Variants in MRM2 observed in about 807,000 individuals in gnomAD.
The protein encoded by MRM2 is mitochondrial rRNA methyltransferase 2.
MRM2 carries 15 observed loss-of-function variants against 10.9 expected under a neutral mutation model. That is an observed-to-expected ratio of 1.37 (90% CI 0.92 to 2.11). The LOEUF (loss-of-function observed/expected upper bound fraction) is 2.11, where lower values mean the gene tolerates loss of function less well. Ranked by LOEUF, MRM2 falls within the 30% of genes most tolerant of loss-of-function variation. The pLI is 0.00. For missense variants in MRM2, 328 were observed against 321.3 expected, an observed-to-expected ratio of 1.02 and a Z score of -0.16; for synonymous variants, 139 against 128.7, an observed-to-expected ratio of 1.08 and a Z score of -0.54.
rs185019081 is a variant in MRM2, at chr7:2,235,380, C to G, written c.483G>C (p.Gly161=). 1 of 1,614,116 alleles carries G rather than the reference C, an allele frequency of 6.2e-7. No homozygotes were observed. The highest frequency in any genetic ancestry group is 1.7e-5 in the Admixed American group (1 of 60,018). Residue 161 remains glycine, a synonymous_variant, in exon 3 of 3, where the codon GGG becomes GGC. Coordinates refer to ENST00000242257, the MANE Select transcript of MRM2 (RefSeq NM_013393.3). Reference sequence around the variant, plus strand: ...GCCTGTCATGATCGAGGTCCCGGAACCCTGTGGCATTGGGCGCCATGTCGC... The same window carrying G: ...GCCTGTCATGATCGAGGTCCCGGAAGCCTGTGGCATTGGGCGCCATGTCGC... ...ILSDMAPNAT[G]FRDLDHDRLI...
chr7:2,240,196 T>C, intron 1 of MRM2: 1 of 438,256 alleles, frequency 2.3e-6, no homozygotes, highest in Non-Finnish European at 4.6e-6. Flanking sequence ...CACTCCAGCC[T>C]GGGCGACAGA....
intron 2 of MRM2, among the ~76,000 whole-genome samples, chr7:2,236,585 C>G (rs1235956657): frequency 1.3e-5 from 2 of 152,128 alleles, no homozygotes; most frequent in Non-Finnish European, 2.9e-5. Flanking sequence ...TAAAATGAGG[C>G]GTGAGGCGTC....
intron 2 of MRM2, among the ~76,000 whole-genome samples, chr7:2,236,668 C>A (rs1794424199): frequency 6.6e-6 from 1 of 152,182 alleles, no homozygotes; most frequent in African/African-American, 2.4e-5. Flanking sequence ...ACCTGGACTT[C>A]CAATGTTTAC....
intron 1 of MRM2, chr7:2,240,195 C>A (rs189928628): frequency 1.6e-4 from 70 of 437,032 alleles, no homozygotes; most frequent in Admixed American, 8.7e-4. Context: ...GCACTCCAGC[C>A]TGGGCGACAG....
Position 2,235,357 on chromosome 7 carries a change from C to G in MRM2, c.506G>C (p.Arg169Thr). ...AAGGGTCAGGCACAGGCTGATGAGC[C>G]TGTCATGATCGAGGTCCCGGAACCC... is the stretch of plus-strand genomic sequence containing the variant. ...ATGFRDLDHD[R>T]LISLCLTLLS... The change falls in exon 3 of 3, where the codon AGG becomes ACG. Residue 169 changes from arginine (R) to threonine (T), a missense_variant. Physicochemically the swap from Arg to Thr is moderately conservative, Grantham distance 71. Transcript: ENST00000242257. 6.2e-7 allele frequency: 1 copy of G among 1,614,126 alleles called. No individual in the cohort carries two copies. Among genetic ancestry groups the G allele is most frequent in the South Asian group, 1.1e-5 (1 of 91,084 alleles).
rs1584622847 is a variant in MRM2 at position 2,235,298 on chromosome 7, C to T, written c.565G>A (p.Gly189Arg). 6.2e-7 allele frequency: 1 copy of T among 1,614,142 alleles called. No homozygotes were observed. The highest frequency in any genetic ancestry group is 8.5e-7 in the Non-Finnish European group (1 of 1,180,038). The change falls in exon 3 of 3, where the codon GGG (glycine) becomes AGG (arginine). Residue 189 changes from glycine to arginine, a missense_variant. Coordinates refer to ENST00000242257, the MANE Select transcript of MRM2 (RefSeq NM_013393.3). ...SVTPDILQPG[G>R]TFLCKTWAGS... ...GCCCAGGTTTTACAAAGGAATGTCC[C>T]CCCAGGTTGCAGGATGTCTGGGGTC...
chr7:2,235,587 GTTAT>G (rs781390377), intron 2 of MRM2, 23 bp from the exon 3 acceptor site: 2 of 1,511,940 alleles, frequency 1.3e-6, no homozygotes, highest in African/African-American at 2.8e-5. Flanking sequence ...TGGTGAATGT[GTTAT>G]TTATTTACAC....
chr7:2,239,489 A>G lies in MRM2; in HGVS notation c.227T>C (p.Val76Ala). 1.9e-6 allele frequency: 3 copies of G among 1,613,574 alleles called. No homozygotes were observed. Among genetic ancestry groups the G allele is most frequent in the Non-Finnish European group, 2.5e-6 (3 of 1,179,978 alleles). ...CCCAGGAGCTGCCCCACAGTCTAAC[A>G]CCCGAAGGCCGGGCCGCAGAATCTG... is the stretch of plus-strand genomic sequence containing the variant. ...RHQILRPGLR[V>A]LDCGAAPGAW... Residue 76 changes from valine (V) to alanine (A), a missense_variant, in exon 2 of 3, where the codon GTG (valine) becomes GCG (alanine). By Grantham distance (64) the Val-to-Ala change is moderately conservative. Coordinates refer to ENST00000242257, the MANE Select transcript of MRM2 (RefSeq NM_013393.3).
At chr7:2,237,644 A>G (rs1055085426) in intron 2 of MRM2, among the ~76,000 whole-genome samples, 1 of 152,186 alleles carries the variant, frequency 6.6e-6, no homozygotes, top group South Asian at 2.1e-4. Context: ...GAAAAACAAT[A>G]AAAAGGCTTT....
Position 2,235,081 on chromosome 7 carries a change from A to G in MRM2, c.*41T>C, listed in dbSNP as rs1794393297. 1 of 1,482,824 alleles carries G rather than the reference A, an allele frequency of 6.7e-7. No homozygotes were observed. Among genetic ancestry groups the G allele is most frequent in the Non-Finnish European group, 9.3e-7 (1 of 1,070,216 alleles). The allele number at this position is 1,482,824 out of a possible 1,614,324, so 91.9% of individuals were successfully genotyped here. On this transcript the variant is annotated 3_prime_UTR_variant, in exon 3 of 3. Transcript: ENST00000242257. Reference sequence around the variant, plus strand: ...GAGCTCAGGCTACGTTTCTAGCTTAAAAGGAGCTAATGACCATTATGAAAA... The same window carrying G: ...GAGCTCAGGCTACGTTTCTAGCTTAGAAGGAGCTAATGACCATTATGAAAA...
rs372868427 is a variant in MRM2 at position 2,235,163 on chromosome 7, C to G, written c.700G>C (p.Ala234Pro). 1 of 1,614,088 alleles carries G rather than the reference C, an allele frequency of 6.2e-7. No individual in the cohort carries two copies. Among genetic ancestry groups the G allele is most frequent in the Non-Finnish European group, 8.5e-7 (1 of 1,179,992 alleles). Residue 234 changes from alanine (A) to proline (P), a missense_variant, in exon 3 of 3, where the codon GCC (alanine) becomes CCC (proline). Physicochemically the swap from Ala to Pro is conservative, Grantham distance 27. Coordinates refer to ENST00000242257, the MANE Select transcript of MRM2 (RefSeq NM_013393.3). Reference sequence around the variant, plus strand: ...CCCTTCCTTCCGTGGTACTGTGTGGCCAAGAAGTACACTTCTGATGACTCT... The same window carrying G: ...CCCTTCCTTCCGTGGTACTGTGTGGGCAAGAAGTACACTTCTGATGACTCT... ...RKESSEVYFL[A>P]TQYHGRKGTV... is the part of the protein sequence containing the mutation.
intron 2 of MRM2, among the ~76,000 whole-genome samples, chr7:2,236,940 T>C (rs904335419): frequency 2.6e-5 from 4 of 152,172 alleles, no homozygotes; most frequent in Admixed American, 2.6e-4. Flanking sequence ...CAACAAGTCT[T>C]GTTTTACGTA....
At position 2,235,488 on chromosome 7, in the gene MRM2, C is replaced by T. The variant is rs553179854; in HGVS notation, c.375G>A (p.Leu125=). 3.1e-5 allele frequency: 50 copies of T among 1,613,964 alleles called. No individual in the cohort carries two copies. The South Asian group carries it at 4.6e-4, about 15-fold the overall frequency. The change falls in exon 3 of 3, where the codon CTG becomes CTA. Residue 125 remains leucine (L), a synonymous_variant. Transcript: ENST00000242257. ...TCGGGTCAGTCACGTCAGCAGGGCACAGAAAAGTTGCTCCTTCCAGGGGGA... is the reference window on the plus strand; with the variant it reads ...TCGGGTCAGTCACGTCAGCAGGGCATAGAAAAGTTGCTCCTTCCAGGGGGA... ...HIFPLEGATF[L]CPADVTDPRT...
Position 2,239,647 on chromosome 7 carries a change from G to A in MRM2, c.69C>T (p.Arg23=). The part of the protein sequence containing the change: ...QRQGFHTVGS[R]CKNRTGAEHL... The stretch of plus-strand genomic sequence containing the variant: ...GCTCAGCGCCTGTCCGATTCTTGCA[G>A]CGACTCCCAACAGTGTGGAACCCTT... Residue 23 remains arginine (R), a synonymous_variant, in exon 2 of 3, where the codon CGC becomes CGT. Transcript: ENST00000242257. 1 of 1,614,110 alleles carries A rather than the reference G, an allele frequency of 6.2e-7. No individual in the cohort carries two copies. Among genetic ancestry groups the A allele is most frequent in the Non-Finnish European group, 8.5e-7 (1 of 1,180,036 alleles).
rs73043203 is a variant in MRM2 at position 2,237,479 on chromosome 7, G to C, written c.299-1915C>G. Among the ~76,000 whole-genome samples, 969 of 152,252 alleles carry C rather than the reference G, an allele frequency of 6.4e-3. 13 individuals are homozygous for C. Among genetic ancestry groups the C allele is most frequent in the Middle Eastern group, 0.014 (4 of 294 alleles). On this transcript the variant is annotated intron_variant, in intron 2 of 2. Coordinates refer to ENST00000242257, the MANE Select transcript of MRM2 (RefSeq NM_013393.3). ...GTCACTTCCTCCTACAAGGCACGCTGGGCCACTCTCCTGCTTCATCTCAAG... is the reference window on the plus strand; with the variant it reads ...GTCACTTCCTCCTACAAGGCACGCTCGGCCACTCTCCTGCTTCATCTCAAG...
At position 2,235,386 on chromosome 7, in the gene MRM2, G is replaced by A. The variant is rs370393523; in HGVS notation, c.477C>T (p.Ala159=). The A allele has an allele frequency of 1.2e-6, 2 of 1,613,984 alleles. No homozygotes were observed. Among genetic ancestry groups the A allele is most frequent in the Non-Finnish European group, 8.5e-7 (1 of 1,180,028 alleles). Residue 159 remains alanine, a synonymous_variant, in exon 3 of 3, where the codon GCC becomes GCT. Transcript: ENST00000242257. Reference sequence around the variant, plus strand: ...CATGATCGAGGTCCCGGAACCCTGTGGCATTGGGCGCCATGTCGCTCAGAA... The same window carrying A: ...CATGATCGAGGTCCCGGAACCCTGTAGCATTGGGCGCCATGTCGCTCAGAA... The part of the protein sequence containing the change: ...DVILSDMAPN[A]TGFRDLDHDR...
chr7:2,236,244 A>G (rs1794417460), intron 2 of MRM2, among the ~76,000 whole-genome samples: 1 of 152,212 alleles, frequency 6.6e-6, no homozygotes, highest in African/African-American at 2.4e-5. Flanking sequence ...GAAAAAGAAA[A>G]AGAAAAAGAA....
At chr7:2,235,837 C>A (rs915004499) in intron 2 of MRM2, among the ~76,000 whole-genome samples, 1 of 152,204 alleles carries the variant, frequency 6.6e-6, no homozygotes, top group Non-Finnish European at 1.5e-5. Context: ...CTGTGCCAGG[C>A]ATCAGGACTT....
chr7:2,236,001 G>C (rs899252907), intron 2 of MRM2, among the ~76,000 whole-genome samples: 2 of 151,196 alleles, frequency 1.3e-5, no homozygotes, highest in African/African-American at 4.9e-5. Context: ...AGGCTGACAC[G>C]GGTGGATCAC....
Sources: gnomAD v4.1 joint callset for allele counts (sites outside exome capture counted in the v4.1 genomes callset) on GRCh38, gnomAD v4.1.1 for gene constraint, MANE v1.5 for transcripts, NCBI Gene and HGNC (gene_info 2026-07-23, HGNC 2026-07-21) for gene names.